Variants in CSTF3 observed in about 807,000 individuals in gnomAD.
CSTF3 encodes the protein cleavage stimulation factor subunit 3, also known as CF-1 77 kDa subunit.
In CSTF3, 29 loss-of-function variants were observed where a neutral mutation model predicts 105.8. The ratio of observed to expected loss-of-function variants is 0.27; its 90% CI spans 0.20 to 0.37. CSTF3 has a LOEUF of 0.37. Ranked by LOEUF, CSTF3 falls within the 10% of genes least tolerant of loss-of-function variation. The pLI is 1.00. For synonymous variants in CSTF3, 252 were observed against 281.9 expected, an observed-to-expected ratio of 0.89 and a Z score of 1.06; for missense variants, 357 against 879.3, an observed-to-expected ratio of 0.41 and a Z score of 7.51.
intron 3 of CSTF3, among the ~76,000 whole-genome samples, chr11:33,137,106 A>T (rs976179007): frequency 2.6e-5 from 4 of 151,882 alleles, no homozygotes; most frequent in African/African-American, 9.7e-5. Context: ...CTGAGTTTAA[A>T]ACGTAAGAGT....
chr11:33,128,050 T>C (rs1855561636), intron 3 of CSTF3, among the ~76,000 whole-genome samples: 1 of 152,180 alleles, frequency 6.6e-6, no homozygotes, highest in African/African-American at 2.4e-5. Flanking sequence ...TTAGAAACTG[T>C]ATGTCATTGG....
chr11:33,112,858 C>A (rs1855393479), intron 3 of CSTF3, among the ~76,000 whole-genome samples: 1 of 152,158 alleles, frequency 6.6e-6, no homozygotes, highest in South Asian at 2.1e-4. Context: ...GAACTTCCTG[C>A]CATTAATCAA....
chr11:33,122,856 C>G (rs1855504600), intron 3 of CSTF3, among the ~76,000 whole-genome samples: 1 of 142,298 alleles, frequency 7.0e-6, no homozygotes, highest in African/African-American at 2.6e-5. Context: ...GTGGAGGCTG[C>G]ACTAAGCCGT....
intron 12 of CSTF3, 49 bp downstream of exon 12, chr11:33,098,985 C>G: frequency 6.5e-7 from 1 of 1,540,024 alleles, no homozygotes; most frequent in Non-Finnish European, 8.7e-7. Context: ...AAGTTCAGTC[C>G]TGCACTAAAA....
chr11:33,099,267 A>C lies in CSTF3; in HGVS notation c.937-117T>G, dbSNP rs1216370435. The stretch of plus-strand genomic sequence containing the variant: ...TATGTGTCTAAGAAAGCATACATGT[A>C]TGTACACACATATATATGTATCCAC... On this transcript the variant is annotated intron_variant, in intron 11 of 20. Coordinates refer to ENST00000323959, the MANE Select transcript of CSTF3 (RefSeq NM_001326.3). This position sits in a 1 kb window ranked among gnomAD's most constrained non-coding sequence, Gnocchi z 4.1. 5 of 1,204,142 alleles carry C rather than the reference A, an allele frequency of 4.2e-6. No homozygotes were observed. The highest frequency in any genetic ancestry group is 5.8e-6 in the Non-Finnish European group (5 of 868,864). 74.6% of individuals were successfully genotyped at this position (1,204,142 alleles called of 1,614,324 possible).
rs537807335 is a variant in CSTF3, at chr11:33,134,991, T to C, written c.225+6676A>G. Among the ~76,000 whole-genome samples, 30 of 152,276 alleles carry C rather than the reference T, an allele frequency of 2.0e-4. 1 individual carries two copies. In the South Asian group the frequency reaches 5.8e-3, roughly 29 times the overall value. On this transcript the variant is annotated intron_variant, in intron 3 of 20. Coordinates refer to ENST00000323959, the MANE Select transcript of CSTF3 (RefSeq NM_001326.3). ...CAAGATGTGGCACTCTTGTTCAAAC[T>C]CTACACAGGGTACAAGTTAGCTGCA...
In CSTF3 at chr11:33,102,237, T is replaced by C. The variant is rs746111488; in HGVS notation, c.766A>G (p.Ile256Val). 1.9e-6 allele frequency: 3 copies of C among 1,613,964 alleles called. No homozygotes were observed. The highest frequency in any genetic ancestry group is 2.2e-5 in the South Asian group (2 of 91,080). Residue 256 changes from isoleucine to valine, a missense_variant, in exon 10 of 21, where the codon ATA becomes GTA. Transcript: ENST00000323959. ...AGAGGGTTGCTCTTTTCCCACTGTATATATTTCTTCCACATATCTACTTGT... is the reference window on the plus strand; with the variant it reads ...AGAGGGTTGCTCTTTTCCCACTGTACATATTTCTTCCACATATCTACTTGT... ...AQQVDMWKKY[I>V]QWEKSNPLRT...
Position 33,099,179 on chromosome 11 carries a change from C to T in CSTF3, c.937-29G>A. ...GTAGAAAAAAAAGAAAGCTCATCTT[C>T]AATAATTTTAATATAGTTGTGAGAG... On this transcript the variant is annotated intron_variant, in intron 11 of 20. Coordinates refer to ENST00000323959, the MANE Select transcript of CSTF3 (RefSeq NM_001326.3). This position sits in a 1 kb window ranked among gnomAD's most constrained non-coding sequence, Gnocchi z 4.1. The T allele has an allele frequency of 6.4e-7, 1 of 1,563,908 alleles. No homozygotes were observed. Among genetic ancestry groups the T allele is most frequent in the Non-Finnish European group, 8.6e-7 (1 of 1,164,936 alleles).
At chr11:33,137,752 T>C (rs1855670318) in intron 3 of CSTF3, among the ~76,000 whole-genome samples, 1 of 137,554 alleles carries the variant, frequency 7.3e-6, no homozygotes, top group Admixed American at 7.1e-5. Flanking sequence ...TGTAGATCTA[T>C]AAGAAAAGAG....
chr11:33,157,077 G>A (rs1849875721), intron 1 of CSTF3, among the ~76,000 whole-genome samples: 1 of 151,980 alleles, frequency 6.6e-6, no homozygotes, highest in South Asian at 2.1e-4. Context: ...CACAGGCTGG[G>A]CGCAGTGGCT....
In CSTF3 at chr11:33,102,399, A is replaced by G. The variant is rs562766343; in HGVS notation, c.664-60T>C. On this transcript the variant is annotated intron_variant, in intron 9 of 20. Coordinates refer to ENST00000323959, the MANE Select transcript of CSTF3 (RefSeq NM_001326.3). ...CAGGAACAACTGAGATATATGGCGG[A>G]TGGGGTAGATCAGTTTGGAAGACTG... 87 of 1,538,466 alleles carry G rather than the reference A, an allele frequency of 5.7e-5. 1 individual carries two copies. Among genetic ancestry groups the G allele is most frequent in the Middle Eastern group, 5.1e-4 (3 of 5,932 alleles).
chr11:33,153,762 A>G (rs1259834445), intron 1 of CSTF3, among the ~76,000 whole-genome samples: 1 of 151,716 alleles, frequency 6.6e-6, no homozygotes, highest in Admixed American at 6.6e-5. Context: ...TACTTTCATG[A>G]TAAATTAGAA....
chr11:33,113,316 TA>T (rs1183887019), intron 3 of CSTF3, among the ~76,000 whole-genome samples: 4 of 152,174 alleles, frequency 2.6e-5, no homozygotes, highest in Non-Finnish European at 4.4e-5. Context: ...TTTAATCTAT[TA>T]AAAGTAGTGC....
rs1185214512 is a variant in CSTF3, at chr11:33,085,698, G to A, written c.1951+15C>T. 6.3e-7 allele frequency: 1 copy of A among 1,597,766 alleles called. No homozygotes were observed. The highest frequency in any genetic ancestry group is 8.6e-7 in the Non-Finnish European group (1 of 1,166,322). ...ACGTGGAATGACACTCTGAAATGGA[G>A]CTTCTGTTACTTACTATTTGGTATC... On this transcript the variant is annotated intron_variant, in intron 20 of 20. Transcript: ENST00000323959.
At chr11:33,135,419 T>C (rs761172405) in intron 3 of CSTF3, among the ~76,000 whole-genome samples, 1 of 152,128 alleles carries the variant, frequency 6.6e-6, no homozygotes, top group Non-Finnish European at 1.5e-5. Flanking sequence ...AAAGCCTCAA[T>C]TCCCAAAACT....
At chr11:33,085,416 AAAT>A (rs1269496698) in intron 20 of CSTF3, 127 bp from the exon 21 acceptor site, 2 of 776,132 alleles carry the variant, frequency 2.6e-6, no homozygotes, top group Non-Finnish European at 3.9e-6. Context: ...TACTGATACT[AAAT>A]AATTAAAGAA....
chr11:33,152,042 T>A (rs1464307971), intron 1 of CSTF3, among the ~76,000 whole-genome samples: 1 of 152,144 alleles, frequency 6.6e-6, no homozygotes, highest in Non-Finnish European at 1.5e-5. Flanking sequence ...ACTGGACTTA[T>A]CAGGAGTTTG....
intron 17 of CSTF3, among the ~76,000 whole-genome samples, chr11:33,089,107 G>A (rs747079895): frequency 3.3e-5 from 5 of 152,152 alleles, no homozygotes; most frequent in Non-Finnish European, 5.9e-5. Flanking sequence ...AGCACTTTGG[G>A]AGGCCAAGGC....
In CSTF3 at chr11:33,129,853, T is replaced by C. The variant is rs1242212217; in HGVS notation, c.225+11814A>G. Among the ~76,000 whole-genome samples the C allele has an allele frequency of 2.6e-5, 4 of 152,206 alleles. No individual in the cohort carries two copies. In the East Asian group the frequency reaches 7.7e-4, roughly 29 times the overall value. ...ATGCTTAGAATTGCAAACTGTTTTA[T>C]AGGTAAATAATACAAATTCTGATGC... On this transcript the variant is annotated intron_variant, in intron 3 of 20. Coordinates refer to ENST00000323959, the MANE Select transcript of CSTF3 (RefSeq NM_001326.3).
Sources: allele counts gnomAD v4.1 joint callset (sites outside exome capture counted in the v4.1 genomes callset), GRCh38; gene constraint gnomAD v4.1.1; non-coding constraint Gnocchi (gnomAD v3.1); transcripts MANE v1.5; gene names NCBI Gene and HGNC (gene_info 2026-07-23, HGNC 2026-07-21).